PTPRN2: variants seen among roughly 807,000 people sequenced by gnomAD.
PTPRN2 encodes receptor-type tyrosine-protein phosphatase N2.
In PTPRN2, 74 loss-of-function variants were observed where a neutral mutation model predicts 118.8. The observed-to-expected ratio is 0.62, with a 90% CI of 0.52 to 0.76. The LOEUF (loss-of-function observed/expected upper bound fraction) is 0.76. PTPRN2 is among the 30% of genes least tolerant of loss of function. The pLI is 0.00. For missense variants in PTPRN2, 1,481 were observed against 1,394.4 expected, an observed-to-expected ratio of 1.06 and a Z score of -0.99; for synonymous variants, 641 against 608.0, an observed-to-expected ratio of 1.05 and a Z score of -0.80.
At chr7:158,543,648 C>T (rs1459829191) in intron 1 of PTPRN2, among the ~76,000 whole-genome samples, 1 of 152,346 alleles carries the variant, frequency 6.6e-6, no homozygotes, top group East Asian at 1.9e-4. Flanking sequence ...TCCAAAACCA[C>T]GTTAAATTTA....
At chr7:157,942,927 A>G (rs1028845891) in intron 11 of PTPRN2, among the ~76,000 whole-genome samples, 2 of 152,010 alleles carry the variant, frequency 1.3e-5, no homozygotes, top group Non-Finnish European at 2.9e-5. Flanking sequence ...TTCACTCCCA[A>G]AGTCAAACAC....
chr7:157,926,159 TA>T (rs1436547247), intron 11 of PTPRN2, among the ~76,000 whole-genome samples: 11 of 152,196 alleles, frequency 7.2e-5, no homozygotes, highest in African/African-American at 2.6e-4. Flanking sequence ...TACCTCCCTC[TA>T]TCTGTCCACT....
At chr7:157,925,874 C>G (rs1402546638) in intron 11 of PTPRN2, among the ~76,000 whole-genome samples, 2 of 152,002 alleles carry the variant, frequency 1.3e-5, no homozygotes, top group South Asian at 4.2e-4. Flanking sequence ...AAGCGCGGTG[C>G]CTCAGAAAAC....
At chr7:157,576,470 T>A in intron 19 of PTPRN2, 143 bp downstream of exon 19, 1 of 856,508 alleles carries the variant, frequency 1.2e-6, no homozygotes, top group South Asian at 1.9e-5. Flanking sequence ...TCTTCCCGCC[T>A]CTCGCTTCCC....
intron 2 of PTPRN2, among the ~76,000 whole-genome samples, chr7:158,441,237 GCAATGAAGGTGA>G (rs1276162760): frequency 2.6e-4 from 27 of 105,502 alleles, no homozygotes; most frequent in African/African-American, 7.7e-4. Context: ...AATGGTGATG[GCAATGAAGGTGA>G]TGGTGATGGT....
chr7:158,410,589 G>A (rs1032289256), intron 2 of PTPRN2, among the ~76,000 whole-genome samples: 1 of 152,158 alleles, frequency 6.6e-6, no homozygotes, highest in Non-Finnish European at 1.5e-5. Context: ...CCTAAGCTTC[G>A]GTTTCCCCAA....
At position 157,871,964 on chromosome 7, in the gene PTPRN2, T is replaced by C. The variant is rs117362466; in HGVS notation, c.1788+26709A>G. Among the ~76,000 whole-genome samples, 923 of 76,596 alleles carry C rather than the reference T, an allele frequency of 0.012. 41 individuals are homozygous for C. The East Asian group carries it at 0.19, about 16-fold the overall frequency. 50.2% of individuals were successfully genotyped at this position (76,596 alleles called of 152,430 possible). ...ACTTTCCCACACACATACCCAGCGC[T>C]TCCCCACACACACATACCCAGTGTC... is the stretch of plus-strand genomic sequence containing the variant. On this transcript the variant is annotated intron_variant, in intron 12 of 22. Transcript: ENST00000389418.
At chr7:158,502,940 C>T (rs1264406170) in intron 1 of PTPRN2, among the ~76,000 whole-genome samples, 1 of 150,954 alleles carries the variant, frequency 6.6e-6, no homozygotes, top group African/African-American at 2.4e-5. Context: ...TGTCCATCAG[C>T]CACTGTGTCC....
At chr7:157,665,748 T>G (rs1796105733) in intron 13 of PTPRN2, among the ~76,000 whole-genome samples, 2 of 152,228 alleles carry the variant, frequency 1.3e-5, no homozygotes, top group African/African-American at 2.4e-5. Context: ...TGTCCATCAA[T>G]GATAGACTGG....
intron 21 of PTPRN2, among the ~76,000 whole-genome samples, chr7:157,556,552 C>A (rs1798894839): frequency 1.3e-5 from 2 of 150,746 alleles, no homozygotes; most frequent in Admixed American, 1.3e-4. Context: ...ACCCTCACGT[C>A]ATACATATGT....
Position 157,609,898 on chromosome 7 carries a change from T to G in PTPRN2, c.2345-5823A>C, listed in dbSNP as rs539267443. Among the ~76,000 whole-genome samples, 1 of 152,322 alleles carries G rather than the reference T, an allele frequency of 6.6e-6. No individual in the cohort carries two copies. The highest frequency in any genetic ancestry group is 2.4e-5 in the African/African-American group (1 of 41,578). On this transcript the variant is annotated intron_variant, in intron 15 of 22. Transcript: ENST00000389418. This position sits in a 1 kb window ranked among gnomAD's most constrained non-coding sequence, Gnocchi z 4.9. ...CACAATTTCTTGTTGATTATTACTA[T>G]GGCAAAGAGCCTTGGGAGATGGCCC... is the stretch of plus-strand genomic sequence containing the variant.
chr7:158,065,317 G>T (rs1005603772), intron 11 of PTPRN2, among the ~76,000 whole-genome samples: 19 of 152,188 alleles, frequency 1.2e-4, no homozygotes, highest in African/African-American at 3.6e-4. Flanking sequence ...TTCTTACCTC[G>T]CACCCTTCAT....
rs1271129523 is a variant in PTPRN2, at chr7:157,540,485, G to T, written c.*229C>A. ...TATTTTTTTTAAGCAAGTGAAAATT[G>T]ATGAACCGATTCCCCTCCACCCGTA... is the stretch of plus-strand genomic sequence containing the variant. On this transcript the variant is annotated 3_prime_UTR_variant, in exon 23 of 23. Transcript: ENST00000389418. The T allele has an allele frequency of 1.3e-5, 5 of 399,744 alleles. No homozygotes were observed. The highest frequency in any genetic ancestry group is 2.2e-5 in the Non-Finnish European group (5 of 224,410). 24.8% of individuals were successfully genotyped at this position (399,744 alleles called of 1,614,324 possible).
intron 1 of PTPRN2, among the ~76,000 whole-genome samples, chr7:158,566,173 T>C (rs1298370637): frequency 6.6e-6 from 1 of 152,018 alleles, no homozygotes; most frequent in Non-Finnish European, 1.5e-5. Context: ...ACCAACATGG[T>C]GAAGCCCTGT....
chr7:157,872,434 T>C (rs1187438649), intron 12 of PTPRN2, among the ~76,000 whole-genome samples: 2 of 130,354 alleles, frequency 1.5e-5, no homozygotes, highest in African/African-American at 5.8e-5. Context: ...CACACACACA[T>C]ACCCAGTGTC....
In PTPRN2 at chr7:158,133,917, T is replaced by A. The variant is rs1818591932; in HGVS notation, c.1316A>T (p.Glu439Val). 6.2e-7 allele frequency: 1 copy of A among 1,613,848 alleles called. No individual in the cohort carries two copies. Among genetic ancestry groups the A allele is most frequent in the African/African-American group, 1.3e-5 (1 of 74,942 alleles). The change falls in exon 9 of 23, where the codon GAG becomes GTG. Residue 439 changes from glutamate (E) to valine (V), a missense_variant. This residue lies in a region of PTPRN2 where 1,115 missense variants were observed against 994.2 expected (regional missense o/e 1.12). Transcript: ENST00000389418. ...GACGTTCTCCACTCCGGCAGTCTCCTCTTCTGAAGACAGGGAAGACTCAGG... is the reference window on the plus strand; with the variant it reads ...GACGTTCTCCACTCCGGCAGTCTCCACTTCTGAAGACAGGGAAGACTCAGG... ...EHPESSLSSEEETAGVENVKS... is the reference protein window; with the variant it reads ...EHPESSLSSEVETAGVENVKS...
At chr7:157,804,167 C>G (rs115276191) in intron 12 of PTPRN2, among the ~76,000 whole-genome samples, 1 of 152,182 alleles carries the variant, frequency 6.6e-6, no homozygotes, top group Non-Finnish European at 1.5e-5. Flanking sequence ...AATTCCTCAC[C>G]GGGTGTGGAG....
chr7:158,463,730 C>T (rs1373674448), intron 2 of PTPRN2, among the ~76,000 whole-genome samples: 1 of 152,048 alleles, frequency 6.6e-6, no homozygotes, highest in Non-Finnish European at 1.5e-5. Flanking sequence ...CATTGCCATG[C>T]CATTTAGTAA....
intron 9 of PTPRN2, among the ~76,000 whole-genome samples, chr7:158,124,634 A>C (rs923061777): frequency 4.6e-5 from 7 of 152,186 alleles, no homozygotes; most frequent in Non-Finnish European, 8.8e-5. Flanking sequence ...GACCTCTCTG[A>C]ATGGGGAGAA....
Sources: gnomAD v4.1 joint callset for allele counts (sites outside exome capture counted in the v4.1 genomes callset) on GRCh38, gnomAD v4.1.1 for gene constraint, gnomAD v4.1.1 regional missense constraint, Gnocchi (gnomAD v3.1) non-coding constraint, MANE v1.5 for transcripts, NCBI Gene and HGNC (gene_info 2026-07-23, HGNC 2026-07-21) for gene names.